Variants in LIMCH1 observed in about 807,000 individuals in gnomAD.
LIMCH1 encodes the protein LIM and calponin homology domains 1, also known as LIM and calponin homology domains-containing protein 1.
Under a neutral mutation model 176.5 loss-of-function variants are expected in LIMCH1, and 113 were observed. The observed-to-expected ratio is 0.64, with a 90% confidence interval of 0.55 to 0.75. The LOEUF (loss-of-function observed/expected upper bound fraction) is 0.75. LIMCH1 is among the 30% of genes least tolerant of loss of function. The probability of loss-of-function intolerance (pLI) is 0.00; values close to 1 mark genes in which losing one functional copy is unlikely to be tolerated. For missense variants in LIMCH1, 1,674 were observed against 1,814.9 expected (o/e 0.92, Z 1.41); for synonymous variants, 619 against 645.9 (o/e 0.96, Z 0.63).
intron 21 of LIMCH1, among the ~76,000 whole-genome samples, chr4:41,668,073 C>T (rs1560303591): frequency 6.6e-6 from 1 of 151,982 alleles, no homozygotes; most frequent in Non-Finnish European, 1.5e-5. Context: ...TTTTAACAGA[C>T]TTTCTCCAGT....
In LIMCH1 at chr4:41,648,658, G is replaced by GGTGTGTGTGTGTGTGTGT. The variant is rs71650941; in HGVS notation, c.2821-1710_2821-1693dup. Among the ~76,000 whole-genome samples the GGTGTGTGTGTGTGTGTGT allele has an allele frequency of 1.4e-3, 194 of 135,386 alleles. 1 individual carries two copies. The highest frequency in any genetic ancestry group is 4.5e-3 in the African/African-American group (162 of 35,612). The allele number at this position is 135,386 out of a possible 152,430, so 88.8% of individuals were successfully genotyped here. A position where few individuals can be genotyped will look rare whatever the true frequency, so the allele number is the denominator to read the frequency against. ...GCCAGGACAGAAGCTAAGGGGTAGG[G>GGTGTGTGTGTGTGTGTGT]GTGTGTGTGTGTGTGTGTGTGTGTG... On this transcript the variant is annotated intron_variant, in intron 17 of 31. Coordinates refer to ENST00000503057, the MANE Select transcript of LIMCH1 (RefSeq NM_001330672.2).
chr4:41,482,540 C>T (rs566503214), intron 1 of LIMCH1, among the ~76,000 whole-genome samples: 5 of 151,926 alleles, frequency 3.3e-5, no homozygotes, highest in East Asian at 1.9e-4. Context: ...CATGCTTCTG[C>T]GATGTTACAA....
intron 15 of LIMCH1, 103 bp from the exon 16 acceptor site, chr4:41,646,020 A>T (rs556994847): frequency 2.5e-6 from 3 of 1,179,698 alleles, no homozygotes; most frequent in Non-Finnish European, 3.6e-6. Context: ...GCCTGGGCCC[A>T]TAGTCAGTTC....
At position 41,510,785 on chromosome 4, in the gene LIMCH1, C is replaced by T. The variant is rs572553719; in HGVS notation, c.168-13624C>T. On this transcript the variant is annotated intron_variant, in intron 2 of 26. Transcript: ENST00000313860. Reference sequence around the variant, plus strand: ...TGTATTTTTAGTAGAGACGGAGTTTCGCCATGTTGGGCAGGCTGGTCTCGA... The same window carrying T: ...TGTATTTTTAGTAGAGACGGAGTTTTGCCATGTTGGGCAGGCTGGTCTCGA... 1.7e-4 allele frequency among the ~76,000 whole-genome samples: 26 copies of T among 152,238 alleles called. No homozygotes were observed. The South Asian group carries it at 2.5e-3, about 15-fold the overall frequency.
intron 1 of LIMCH1, among the ~76,000 whole-genome samples, chr4:41,432,943 G>A (rs2061729313): frequency 6.6e-6 from 1 of 152,156 alleles, no homozygotes; most frequent in South Asian, 2.1e-4. Context: ...CTCTCAAAGG[G>A]TTAATACCCT....
At chr4:41,407,309 T>C (rs1398354518) in intron 1 of LIMCH1, among the ~76,000 whole-genome samples, 1 of 152,150 alleles carries the variant, frequency 6.6e-6, no homozygotes, top group African/African-American at 2.4e-5. Context: ...GCTCACTGCA[T>C]CTTCGACCTG....
At chr4:41,538,618 G>T (rs2078227933) in intron 1 of LIMCH1, among the ~76,000 whole-genome samples, 1 of 149,508 alleles carries the variant, frequency 6.7e-6, no homozygotes, top group African/African-American at 2.5e-5. Context: ...TGTGGTACAA[G>T]ACACATAACT....
At chr4:41,463,169 A>G (rs1368803833) in intron 1 of LIMCH1, among the ~76,000 whole-genome samples, 1 of 113,528 alleles carries the variant, frequency 8.8e-6, no homozygotes, top group Non-Finnish European at 1.7e-5. Flanking sequence ...AGAAAAATTC[A>G]TTAAAAAAAA....
At chr4:41,430,000 G>T (rs372808945) in intron 1 of LIMCH1, among the ~76,000 whole-genome samples, 15 of 152,180 alleles carry the variant, frequency 9.9e-5, no homozygotes, top group East Asian at 9.6e-4. Flanking sequence ...ACTTCACATG[G>T]ATGGGCAGGG....
chr4:41,384,305 C>T (rs1302854476), intron 1 of LIMCH1, among the ~76,000 whole-genome samples: 1 of 151,638 alleles, frequency 6.6e-6, no homozygotes, highest in East Asian at 1.9e-4. Context: ...CCTGGGTTGA[C>T]GCCATTCTCC....
At chr4:41,391,080 T>C (rs1245165877) in intron 1 of LIMCH1, among the ~76,000 whole-genome samples, 1 of 152,232 alleles carries the variant, frequency 6.6e-6, no homozygotes, top group African/African-American at 2.4e-5. Flanking sequence ...TAAACACATT[T>C]AATAGAATAA....
chr4:41,434,623 T>A (rs938304132), intron 1 of LIMCH1, among the ~76,000 whole-genome samples: 4 of 152,162 alleles, frequency 2.6e-5, no homozygotes, highest in African/African-American at 9.7e-5. Flanking sequence ...TTCAGGAGAT[T>A]CTCCTGCCTC....
At chr4:41,534,854 A>G (rs1283951589), upstream of LIMCH1, among the ~76,000 whole-genome samples, 1 of 152,174 alleles carries the variant, frequency 6.6e-6, no homozygotes, top group East Asian at 1.9e-4. Flanking sequence ...TAGCAATTGC[A>G]CTTAGAATTG....
intron 7 of LIMCH1, among the ~76,000 whole-genome samples, chr4:41,622,340 C>T (rs547779781): frequency 1.2e-4 from 18 of 151,352 alleles, no homozygotes; most frequent in African/African-American, 4.4e-4. Flanking sequence ...CCAGCTTCTG[C>T]CTTTAAGGAC....
chr4:41,364,707 G>A (rs1034333349), intron 1 of LIMCH1, among the ~76,000 whole-genome samples: 9 of 152,190 alleles, frequency 5.9e-5, no homozygotes, highest in African/African-American at 2.2e-4. Context: ...ACTCCAAGCA[G>A]AATGCTCAAT....
intron 1 of LIMCH1, among the ~76,000 whole-genome samples, chr4:41,456,369 G>A (rs2064598515): frequency 6.6e-6 from 1 of 152,132 alleles, no homozygotes; most frequent in African/African-American, 2.4e-5. Flanking sequence ...GCATGTGTGT[G>A]ATGTTTTCAT....
intron 1 of LIMCH1, among the ~76,000 whole-genome samples, chr4:41,483,445 G>A (rs2154168727): frequency 1.3e-5 from 2 of 152,196 alleles, no homozygotes; most frequent in Middle Eastern, 6.8e-3. Context: ...ATGTCATTCT[G>A]GAAGAATCTC....
chr4:41,550,098 G>A (rs545170206), intron 1 of LIMCH1, among the ~76,000 whole-genome samples: 27 of 151,718 alleles, frequency 1.8e-4, no homozygotes, highest in African/African-American at 6.0e-4. Context: ...GTAAGAGACG[G>A]CAGGCTTCAC....
At chr4:41,502,020 T>C (rs1050483421) in intron 2 of LIMCH1, among the ~76,000 whole-genome samples, 5 of 151,844 alleles carry the variant, frequency 3.3e-5, no homozygotes, top group Admixed American at 1.3e-4. Flanking sequence ...AAGCCCAGCA[T>C]CCATGAGCTA....
Sources: allele counts gnomAD v4.1 joint callset (sites outside exome capture counted in the v4.1 genomes callset), GRCh38; gene constraint gnomAD v4.1.1; transcripts MANE v1.5; gene names NCBI Gene and HGNC (gene_info 2026-07-23, HGNC 2026-07-21).